Variants in TBC1D5 observed in about 807,000 individuals in gnomAD.
The protein encoded by TBC1D5 is TBC1 domain family member 5, also known as TBC1 domain family, member 5.
A neutral mutation model predicts 100.3 loss-of-function variants in TBC1D5; 75 were observed. The ratio of observed to expected loss-of-function variants is 0.75; its 90% CI spans 0.62 to 0.91. The LOEUF (loss-of-function observed/expected upper bound fraction) is 0.91, where lower values mean the gene tolerates loss of function less well. Ranked by LOEUF, TBC1D5 falls within the 40% of genes least tolerant of loss-of-function variation. The pLI, the probability that TBC1D5 is intolerant of heterozygous loss-of-function variation, is 0.00. For synonymous variants in TBC1D5, 323 were observed against 325.6 expected, an observed-to-expected ratio of 0.99 and a Z score of 0.09; for missense variants, 910 against 942.4, an observed-to-expected ratio of 0.97 and a Z score of 0.45.
intron 8 of TBC1D5, 41 bp downstream of exon 8, chr3:17,403,140 A>G: frequency 1.3e-6 from 2 of 1,500,774 alleles, no homozygotes; most frequent in Non-Finnish European, 1.8e-6. Flanking sequence ...GATAACAACA[A>G]TTTGAATTAT....
chr3:17,420,108 C>G (rs1157384978), intron 4 of TBC1D5, among the ~76,000 whole-genome samples: 1 of 151,960 alleles, frequency 6.6e-6, no homozygotes, highest in Non-Finnish European at 1.5e-5. Flanking sequence ...CTGTGTTTAA[C>G]TCCTCTTTGG....
At chr3:17,482,663 A>C (rs1221350547) in intron 3 of TBC1D5, among the ~76,000 whole-genome samples, 1 of 152,252 alleles carries the variant, frequency 6.6e-6, no homozygotes, top group Admixed American at 6.5e-5. Context: ...AAATAAAAGA[A>C]GGCTTTGTTT....
At chr3:17,231,156 C>T (rs1315870619) in intron 17 of TBC1D5, among the ~76,000 whole-genome samples, 2 of 152,022 alleles carry the variant, frequency 1.3e-5, no homozygotes, top group South Asian at 4.1e-4. Context: ...TAACATATGT[C>T]TTGTGTGTGT....
intron 17 of TBC1D5, among the ~76,000 whole-genome samples, chr3:17,229,864 T>C (rs1452093312): frequency 6.6e-6 from 1 of 152,122 alleles, no homozygotes; most frequent in East Asian, 1.9e-4. Flanking sequence ...TAAAGCAAAA[T>C]GGAATGAGGC....
At chr3:17,178,359 C>A (rs2068055299) in intron 19 of TBC1D5, among the ~76,000 whole-genome samples, 1 of 152,174 alleles carries the variant, frequency 6.6e-6, no homozygotes, top group Admixed American at 6.5e-5. Context: ...GCCACTGTGC[C>A]TGGCCTAGTG....
At chr3:17,187,809 C>T (rs2069332928) in intron 18 of TBC1D5, among the ~76,000 whole-genome samples, 1 of 152,206 alleles carries the variant, frequency 6.6e-6, no homozygotes, top group Admixed American at 6.5e-5. Context: ...TGGCTACCAA[C>T]TGGGGTGCTG....
chr3:17,399,350 CTG>C (rs1322029743), intron 8 of TBC1D5, among the ~76,000 whole-genome samples: 3 of 152,056 alleles, frequency 2.0e-5, no homozygotes, highest in African/African-American at 4.8e-5. Context: ...AAGTAAGTGA[CTG>C]TGGGCAGGAG....
chr3:17,349,634 A>G (rs2090317778), intron 13 of TBC1D5, among the ~76,000 whole-genome samples: 1 of 152,218 alleles, frequency 6.6e-6, no homozygotes, highest in Non-Finnish European at 1.5e-5. Flanking sequence ...GTTCCTAAAA[A>G]TAAATAAGGG....
chr3:17,162,475 T>C (rs943816434), intron 21 of TBC1D5, among the ~76,000 whole-genome samples: 4 of 152,248 alleles, frequency 2.6e-5, no homozygotes, highest in Non-Finnish European at 5.9e-5. Flanking sequence ...CTTCCATCTC[T>C]GATGATTCAC....
At chr3:17,544,449 G>A (rs1041703308) in intron 2 of TBC1D5, among the ~76,000 whole-genome samples, 1 of 152,148 alleles carries the variant, frequency 6.6e-6, no homozygotes, top group African/African-American at 2.4e-5. Flanking sequence ...TCAGGGGTTT[G>A]AGACCAGCCT....
chr3:17,651,598 G>C (rs947992371), intron 1 of TBC1D5, among the ~76,000 whole-genome samples: 4 of 152,098 alleles, frequency 2.6e-5, no homozygotes, highest in African/African-American at 4.8e-5. Flanking sequence ...AGCTACTCAG[G>C]AGGCTGAGGC....
intron 2 of TBC1D5, among the ~76,000 whole-genome samples, chr3:17,611,582 A>C (rs2061671638): frequency 6.6e-6 from 1 of 152,232 alleles, no homozygotes; most frequent in African/African-American, 2.4e-5. Flanking sequence ...AGGAAAAGCA[A>C]GATGAAGATG....
At chr3:17,346,545 T>C (rs919686982) in intron 13 of TBC1D5, among the ~76,000 whole-genome samples, 2 of 152,166 alleles carry the variant, frequency 1.3e-5, no homozygotes, top group Non-Finnish European at 2.9e-5. Context: ...GTCCTTCAAT[T>C]GATAATGGTT....
In TBC1D5 at chr3:17,284,111, C is replaced by CACACACACACACACACACACACACAT. The variant is rs1457430013; in HGVS notation, c.1245+7783_1245+7784insATGTGTGTGTGTGTGTGTGTGTGTGT. The stretch of plus-strand genomic sequence containing the variant: ...TTTTACACACACACACACACACACA[C>CACACACACACACACACACACACACAT]ACACACACACACGTATTTTTAATTT... On this transcript the variant is annotated intron_variant, in intron 15 of 21. Coordinates refer to ENST00000253692, the Ensembl canonical transcript of TBC1D5. Among the ~76,000 whole-genome samples the CACACACACACACACACACACACACAT allele has an allele frequency of 5.8e-3, 876 of 150,936 alleles. 7 individuals are homozygous for CACACACACACACACACACACACACAT. Among genetic ancestry groups the CACACACACACACACACACACACACAT allele is most frequent in the African/African-American group, 0.02 (835 of 40,732 alleles).
chr3:17,696,471 C>T (rs1248138266), intron 1 of TBC1D5, among the ~76,000 whole-genome samples: 1 of 152,168 alleles, frequency 6.6e-6, no homozygotes, highest in Non-Finnish European at 1.5e-5. Flanking sequence ...ACTATAAACA[C>T]CTCTAGGCAA....
chr3:17,181,129 AGGC>A (rs1435102402), intron 19 of TBC1D5, among the ~76,000 whole-genome samples: 7 of 152,174 alleles, frequency 4.6e-5, no homozygotes, highest in Non-Finnish European at 5.9e-5. Flanking sequence ...AGTGCCCCAG[AGGC>A]ATCATTAAGT....
At chr3:17,489,866 C>A (rs73153051) in intron 3 of TBC1D5, among the ~76,000 whole-genome samples, 8 of 152,082 alleles carry the variant, frequency 5.3e-5, no homozygotes, top group Admixed American at 4.6e-4. Flanking sequence ...CCTTCAGGTA[C>A]ATATACAGTA....
intron 1 of TBC1D5, among the ~76,000 whole-genome samples, chr3:17,677,928 A>G (rs1395666773): frequency 1.3e-5 from 2 of 152,174 alleles, no homozygotes; most frequent in African/African-American, 2.4e-5. Context: ...GTTCTCACTC[A>G]TAGGTGGGAA....
intron 4 of TBC1D5, among the ~76,000 whole-genome samples, chr3:17,426,307 G>A (rs1263978322): frequency 2.0e-5 from 3 of 152,028 alleles, no homozygotes; most frequent in African/African-American, 7.2e-5. Context: ...TTAATATGAA[G>A]CTATACCACA....
Sources: gnomAD v4.1 joint callset for allele counts (sites outside exome capture counted in the v4.1 genomes callset) on GRCh38, gnomAD v4.1.1 for gene constraint, MANE v1.5 for transcripts, NCBI Gene and HGNC (gene_info 2026-07-23, HGNC 2026-07-21) for gene names.